Variants in HNRNPU observed in about 807,000 individuals in gnomAD.
The protein encoded by HNRNPU is HNRNPU antisense RNA 1.
HNRNPU carries 5 observed loss-of-function variants against 94.7 expected under a neutral mutation model. That is an observed-to-expected ratio of 0.05 (90% CI 0.03 to 0.11). The LOEUF (loss-of-function observed/expected upper bound fraction) is 0.11, where lower values mean the gene tolerates loss of function less well. Among genes scored for constraint, HNRNPU ranks in the 10% least tolerant of loss-of-function variants. The probability of loss-of-function intolerance (pLI) is 1.00; values close to 1 mark genes in which losing one functional copy is unlikely to be tolerated. For synonymous variants in HNRNPU, 434 were observed against 381.6 expected, an observed-to-expected ratio of 1.14 and a Z score of -1.60; for missense variants, 710 against 1,049.2, an observed-to-expected ratio of 0.68 and a Z score of 4.47.
At chr1:244,860,640 C>A in intron 3 of HNRNPU, 166 bp from the exon 4 acceptor site, 2 of 604,318 alleles carry the variant, frequency 3.3e-6, no homozygotes, top group Non-Finnish European at 5.9e-6. Context: ...CCCACTCCCA[C>A]CAAGTCACTC....
chr1:244,856,895 ATT>A (rs1421465163), intron 8 of HNRNPU, 39 bp from the exon 9 acceptor site: 2 of 1,542,418 alleles, frequency 1.3e-6, no homozygotes, highest in Admixed American at 4.1e-5. Context: ...GAACTTGTGA[ATT>A]TTAATAAGTT....
intron 3 of HNRNPU, chr1:244,861,004 C>A (rs1365962143): frequency 6.5e-6 from 1 of 153,618 alleles, no homozygotes; most frequent in Non-Finnish European, 1.4e-5. Flanking sequence ...CAAACCTGGC[C>A]GTCTAATGCT....
At chr1:244,858,635 A>G in intron 6 of HNRNPU, 94 bp downstream of exon 6, 3 of 703,812 alleles carry the variant, frequency 4.3e-6, no homozygotes, top group Non-Finnish European at 7.6e-6. Flanking sequence ...TTTGTTGCTC[A>G]TATTGAAAAC....
At position 244,852,799 on chromosome 1, in the gene HNRNPU, A is replaced by C. The variant is rs1680582592; in HGVS notation, c.*1651T>G. 1 of 152,432 alleles carries C rather than the reference A, an allele frequency of 6.6e-6. No homozygotes were observed. The highest frequency in any genetic ancestry group is 1.5e-5 in the Non-Finnish European group (1 of 68,024). 9.4% of individuals were successfully genotyped at this position (152,432 alleles called of 1,614,324 possible). ...AAGCAATCAGAAATATAGCAAACCT[A>C]AACTTACCAAAGCAACCTAAAAACA... is the stretch of plus-strand genomic sequence containing the variant. On this transcript the variant is annotated 3_prime_UTR_variant, in exon 14 of 14. Coordinates refer to ENST00000640218, the MANE Select transcript of HNRNPU (RefSeq NM_031844.3).
At chr1:244,854,821 A>G in intron 13 of HNRNPU, 152 bp downstream of exon 13, 1 of 596,152 alleles carries the variant, frequency 1.7e-6, no homozygotes, top group South Asian at 2.8e-5. Context: ...TTCAAAAGGT[A>G]GATTATGGCT....
At position 244,852,859 on chromosome 1, in the gene HNRNPU, T is replaced by C. The variant is rs1213568567; in HGVS notation, c.*1591A>G. The C allele has an allele frequency of 6.6e-6, 1 of 152,620 alleles. No homozygotes were observed. Among genetic ancestry groups the C allele is most frequent in the African/African-American group, 2.4e-5 (1 of 41,454 alleles). 9.5% of individuals were successfully genotyped at this position (152,620 alleles called of 1,614,324 possible). ...CGCTAGACTGAAGTCAAATTTTAGTTCTACAGTTTGACTCCTGATTCCTCA... is the reference window on the plus strand; with the variant it reads ...CGCTAGACTGAAGTCAAATTTTAGTCCTACAGTTTGACTCCTGATTCCTCA... On this transcript the variant is annotated 3_prime_UTR_variant, in exon 14 of 14. Transcript: ENST00000640218.
rs1242693487 is a variant in HNRNPU at position 244,856,629 on chromosome 1, T to C, written c.1744-4A>G. ...GGGCAGCAGCAGACACATTTGTCTT[T>C]AAAAAAAGAAATTTATGTTTACAAC... On this transcript the variant is annotated splice_polypyrimidine_tract_variant and splice_region_variant and intron_variant, in intron 9 of 13. Transcript: ENST00000640218. 1.1e-5 allele frequency: 17 copies of C among 1,611,452 alleles called. No individual in the cohort carries two copies. Among genetic ancestry groups the C allele is most frequent in the Non-Finnish European group, 1.4e-5 (17 of 1,179,330 alleles).
intron 1 of HNRNPU, 131 bp from the exon 2 acceptor site, chr1:244,862,861 G>A: frequency 1.4e-6 from 1 of 706,336 alleles, no homozygotes; most frequent in South Asian, 1.6e-5. Context: ...ACTCAAATGT[G>A]AATTCAAAGA....
In HNRNPU at chr1:244,855,404, C is replaced by A; in HGVS notation, c.2352+20G>T. On this transcript the variant is annotated intron_variant, in intron 12 of 13. Transcript: ENST00000640218. ...AAGCTACAGTTATCAATCATGCTTC[C>A]AGGGATCTTGAATCATTACCTGGTT... The A allele has an allele frequency of 6.2e-7, 1 of 1,608,406 alleles. No homozygotes were observed. The highest frequency in any genetic ancestry group is 1.3e-5 in the African/African-American group (1 of 74,882).
Position 244,864,143 on chromosome 1 carries a change from G to T in HNRNPU, c.165C>A (p.Pro55=). 6.2e-7 allele frequency: 1 copy of T among 1,603,562 alleles called. No individual in the cohort carries two copies. The highest frequency in any genetic ancestry group is 1.3e-5 in the African/African-American group (1 of 74,832). Residue 55 remains proline, a synonymous_variant, in exon 1 of 14, where the codon CCC becomes CCA. Transcript: ENST00000640218. ...CGCCCAGGTCTAGGCTGCCGTTCCC[G>T]GGCTCCATGGCGGGGCGGCCCCCGG... is the stretch of plus-strand genomic sequence containing the variant. The part of the protein sequence containing the change: ...EEAGGRPAME[P]GNGSLDLGGD...
chr1:244,863,006 A>G (rs1680882758), intron 1 of HNRNPU: 4 of 402,578 alleles, frequency 9.9e-6, no homozygotes, highest in Non-Finnish European at 1.8e-5. Context: ...TGTATCCCGA[A>G]GAGAGCGCAG....
chr1:244,857,034 T>TA, intron 8 of HNRNPU, 178 bp from the exon 9 acceptor site: 1 of 502,588 alleles, frequency 2.0e-6, no homozygotes, highest in Non-Finnish European at 3.5e-6. Flanking sequence ...ACCTTACACT[T>TA]ACTCAATTCT....
rs1347086702 is a variant in HNRNPU, at chr1:244,863,793, T to C, written c.515A>G (p.Gln172Arg). ...GGCGGCCCCGCGCTGCTGTTGGGGC[T>C]GTTGCTGCTGCGTCGCCGGCGGTTG... ...QPQPPATQQQ[Q>R]PQQQRGAAKE... The change falls in exon 1 of 14, where the codon CAG (glutamine) becomes CGG (arginine). Residue 172 changes from glutamine to arginine, a missense_variant. Gln to Arg is a conservative substitution (Grantham distance 43). Around this residue, in one of 8 missense-constraint regions of HNRNPU, gnomAD observed 292 missense variants for 293.4 expected, o/e 1.00. Transcript: ENST00000640218. The C allele has an allele frequency of 6.2e-7, 1 of 1,607,394 alleles. No homozygotes were observed. Among genetic ancestry groups the C allele is most frequent in the East Asian group, 2.2e-5 (1 of 44,626 alleles).
rs201625628 is a variant in HNRNPU, at chr1:244,860,192, TGA to T, written c.1017+141_1017+142del. The T allele has an allele frequency of 5.5e-3, 3,464 of 626,656 alleles. 27 individuals are homozygous for T. Among genetic ancestry groups the T allele is most frequent in the Non-Finnish European group, 5.3e-3 (1,953 of 365,706 alleles). 38.8% of individuals were successfully genotyped at this position (626,656 alleles called of 1,614,324 possible). On this transcript the variant is annotated intron_variant, in intron 4 of 13. Coordinates refer to ENST00000640218, the MANE Select transcript of HNRNPU (RefSeq NM_031844.3). ...GTGTGTGCCTCTAGTCCGAGCTACT[TGA>T]GAGACTGAAGCAAGGAGAATCGCTT...
At chr1:244,863,126 C>G (rs1174212140) in intron 1 of HNRNPU, 4 of 174,110 alleles carry the variant, frequency 2.3e-5, no homozygotes, top group Non-Finnish European at 4.7e-5. Flanking sequence ...CCCCGCCCGG[C>G]TCCTCCCGCC....
rs1680537186 is a variant in HNRNPU, at chr1:244,851,095, C to CA, written c.*3354dup. The CA allele has an allele frequency of 6.6e-6, 1 of 152,106 alleles. No homozygotes were observed. The highest frequency in any genetic ancestry group is 1.5e-5 in the Non-Finnish European group (1 of 68,032). 9.4% of individuals were successfully genotyped at this position (152,106 alleles called of 1,614,324 possible). Reference sequence around the variant, plus strand: ...AAGTGCTAGGATTACAGGCGTGAGCCACCACACCCAGCCAAGTTCCATCCA... The same window carrying CA: ...AAGTGCTAGGATTACAGGCGTGAGCCAACCACACCCAGCCAAGTTCCATCCA... On this transcript the variant is annotated 3_prime_UTR_variant, in exon 14 of 14. Transcript: ENST00000640218.
chr1:244,864,388 T>C lies in HNRNPU; in HGVS notation c.-81A>G. On this transcript the variant is annotated 5_prime_UTR_variant, in exon 1 of 14. Transcript: ENST00000640218. ...GGCCACTGGTGGCGGCTGCTGCGGCTGCTCCTCGGCCCGGGCGGCGGCTGC... is the reference window on the plus strand; with the variant it reads ...GGCCACTGGTGGCGGCTGCTGCGGCCGCTCCTCGGCCCGGGCGGCGGCTGC... 1 of 1,579,780 alleles carries C rather than the reference T, an allele frequency of 6.3e-7. No individual in the cohort carries two copies. The highest frequency in any genetic ancestry group is 8.6e-7 in the Non-Finnish European group (1 of 1,167,608).
At chr1:244,863,579 GGCCTCCCGCCGCGCGC>G in intron 1 of HNRNPU, 22 bp downstream of exon 1, 7 of 1,383,326 alleles carry the variant, frequency 5.1e-6, no homozygotes, top group Non-Finnish European at 6.5e-6. Context: ...ACCCCGCGCG[GGCCTCCCGCCGCGCGC>G]AACGTACAAC....
In HNRNPU at chr1:244,857,722, T is replaced by G; in HGVS notation, c.1495-5A>C. On this transcript the variant is annotated splice_polypyrimidine_tract_variant and splice_region_variant and intron_variant, in intron 7 of 13. Transcript: ENST00000640218. Reference sequence around the variant, plus strand: ...CAAGCCAATCATCATCACAACCTAGTGAAAAGAAAAGAAATGTCATTTCAC... The same window carrying G: ...CAAGCCAATCATCATCACAACCTAGGGAAAAGAAAAGAAATGTCATTTCAC... 1 of 1,611,194 alleles carries G rather than the reference T, an allele frequency of 6.2e-7. No individual in the cohort carries two copies. The highest frequency in any genetic ancestry group is 8.5e-7 in the Non-Finnish European group (1 of 1,179,170).
Sources: gnomAD v4.1 joint callset for allele counts on GRCh38, gnomAD v4.1.1 for gene constraint, gnomAD v4.1.1 regional missense constraint, MANE v1.5 for transcripts, NCBI Gene and HGNC (gene_info 2026-07-23, HGNC 2026-07-21) for gene names.